Variants in CPS1 observed in about 807,000 individuals in gnomAD.
CPS1 encodes carbamoyl-phosphate synthase [ammonia], mitochondrial.
In CPS1, 109 loss-of-function variants were observed where a neutral mutation model predicts 174.6. The observed-to-expected ratio is 0.62, with a 90% CI of 0.53 to 0.73. The LOEUF (loss-of-function observed/expected upper bound fraction) is 0.73, where lower values mean the gene tolerates loss of function less well. Ranked by LOEUF, CPS1 falls within the 30% of genes least tolerant of loss-of-function variation. The pLI is 0.00. For missense variants in CPS1, 1,689 were observed against 1,821.9 expected, an observed-to-expected ratio of 0.93 and a Z score of 1.33; for synonymous variants, 637 against 632.0, an observed-to-expected ratio of 1.01 and a Z score of -0.12.
intron 1 of CPS1, among the ~76,000 whole-genome samples, chr2:210,525,855 A>G (rs1172270710): frequency 6.6e-6 from 1 of 151,214 alleles, no homozygotes; most frequent in Non-Finnish European, 1.5e-5. Context: ...AGGAAGGAGA[A>G]GAAGGAGCAG....
At chr2:210,600,203 C>T (rs909770151) in intron 14 of CPS1, among the ~76,000 whole-genome samples, 1 of 151,142 alleles carries the variant, frequency 6.6e-6, no homozygotes. Context: ...CAGGTAGGTA[C>T]TCATATATTT....
chr2:210,578,269 C>T (rs1461510771), intron 4 of CPS1, among the ~76,000 whole-genome samples: 2 of 151,808 alleles, frequency 1.3e-5, no homozygotes, highest in South Asian at 2.1e-4. Context: ...CCACCATGCC[C>T]GGCTAATTTT....
chr2:210,559,496 C>T (rs763800166), intron 1 of CPS1, among the ~76,000 whole-genome samples: 50 of 152,002 alleles, frequency 3.3e-4, no homozygotes, highest in Non-Finnish European at 6.8e-4. Context: ...ATTTTACTTA[C>T]AGGAAAGAGG....
chr2:210,611,525 A>G (rs1165561199), intron 19 of CPS1, among the ~76,000 whole-genome samples: 1 of 151,102 alleles, frequency 6.6e-6, no homozygotes, highest in Non-Finnish European at 1.5e-5. Flanking sequence ...TGAGCTGTAA[A>G]GATTGTGGAA....
intron 1 of CPS1, among the ~76,000 whole-genome samples, chr2:210,502,680 C>A (rs1429031334): frequency 6.6e-6 from 1 of 151,960 alleles, no homozygotes; most frequent in Non-Finnish European, 1.5e-5. Flanking sequence ...AGTCATAGTT[C>A]CTGGGTCTGA....
intron 6 of CPS1, among the ~76,000 whole-genome samples, chr2:210,583,173 T>C (rs1378891226): frequency 5.9e-5 from 9 of 152,200 alleles, no homozygotes; most frequent in African/African-American, 2.2e-4. Flanking sequence ...TATTGTGTTA[T>C]AGCTTTGTTT....
intron 7 of CPS1, among the ~76,000 whole-genome samples, chr2:210,588,350 A>G (rs912320396): frequency 6.6e-6 from 1 of 151,934 alleles, no homozygotes; most frequent in Non-Finnish European, 1.5e-5. Flanking sequence ...TTCTTTAAAA[A>G]AAAAACCTCA....
Position 210,577,450 on chromosome 2 carries a change from T to TA in CPS1, c.414dup (p.Asp139ArgfsTer33). 6.2e-7 allele frequency: 1 copy of TA among 1,613,918 alleles called. No individual in the cohort carries two copies. On this transcript the variant is annotated frameshift_variant, in exon 4 of 38. Transcript: ENST00000233072. LOFTEE classifies it high-confidence loss of function. ...CAGGTTTGCTGGTGCTGGATTATAG[T>TA]AAAGACTACAACCACTGGCTGGCTA...
Position 210,620,629 on chromosome 2 carries a change from G to A in CPS1, c.2687+4088G>A, listed in dbSNP as rs568116641. 5.3e-5 allele frequency among the ~76,000 whole-genome samples: 8 copies of A among 152,144 alleles called. No homozygotes were observed. In the South Asian group the frequency reaches 1.7e-3, roughly 32 times the overall value. ...GGCGGAAGGCAAAAGGAAAGCAGCCGTGTCCTATGGAAAAAGCAGGAGCCA... is the reference window on the plus strand; with the variant it reads ...GGCGGAAGGCAAAAGGAAAGCAGCCATGTCCTATGGAAAAAGCAGGAGCCA... On this transcript the variant is annotated intron_variant, in intron 21 of 37. Coordinates refer to ENST00000233072, the MANE Select transcript of CPS1 (RefSeq NM_001875.5).
intron 34 of CPS1, among the ~76,000 whole-genome samples, chr2:210,669,946 T>C (rs1300838001): frequency 6.6e-6 from 1 of 152,136 alleles, no homozygotes; most frequent in Non-Finnish European, 1.5e-5. Flanking sequence ...TGTTTGGTTC[T>C]AGTGCTGCAG....
intron 1 of CPS1, among the ~76,000 whole-genome samples, chr2:210,489,997 CAAAA>C (rs10604397): frequency 1.4e-4 from 12 of 88,384 alleles, no homozygotes; most frequent in Non-Finnish European, 1.4e-4. Flanking sequence ...GACTCTGTCT[CAAAA>C]AAAAAAAAAA....
chr2:210,519,756 G>T, intron 1 of CPS1: 1 of 985,198 alleles, frequency 1.0e-6, no homozygotes, highest in Non-Finnish European at 1.2e-6. Flanking sequence ...AGTGAAGTTT[G>T]CATTTTCCTG....
chr2:210,612,194 C>T lies in CPS1; in HGVS notation c.2469C>T (p.Phe823=), dbSNP rs1264691798. ...TGTGCCACCCATCTATAGAAGGTTTCACTCCCCGTCTCCCAATGAACAAAG... is the reference window on the plus strand; with the variant it reads ...TGTGCCACCCATCTATAGAAGGTTTTACTCCCCGTCTCCCAATGAACAAAG... ...LRMCHPSIEG[F]TPRLPMNKEW... is the part of the protein sequence containing the mutation. Residue 823 remains phenylalanine (F), a synonymous_variant, in exon 20 of 38, where the codon TTC becomes TTT. Coordinates refer to ENST00000233072, the MANE Select transcript of CPS1 (RefSeq NM_001875.5). 1.2e-6 allele frequency: 2 copies of T among 1,612,168 alleles called. No individual in the cohort carries two copies. Among genetic ancestry groups the T allele is most frequent in the South Asian group, 1.1e-5 (1 of 91,042 alleles).
chr2:210,602,110 T>C, intron 15 of CPS1, 92 bp from the exon 16 acceptor site: 1 of 1,473,230 alleles, frequency 6.8e-7, no homozygotes, highest in Non-Finnish European at 9.4e-7. Flanking sequence ...CCCACATAAG[T>C]TGGTTTACCT....
chr2:210,488,594 T>C (rs1559732148), intron 1 of CPS1, among the ~76,000 whole-genome samples: 1 of 152,322 alleles, frequency 6.6e-6, no homozygotes, highest in East Asian at 1.9e-4. Flanking sequence ...TTTGTGTATA[T>C]AGGTACCATT....
intron 1 of CPS1, among the ~76,000 whole-genome samples, chr2:210,517,900 T>A (rs1695724027): frequency 1.3e-5 from 2 of 152,022 alleles, no homozygotes. Flanking sequence ...TGGTAACTGT[T>A]AGCCACCGTT....
rs924228448 is a variant in CPS1, at chr2:210,654,223, G to A, written c.3558+121G>A. The A allele has an allele frequency of 9.6e-6, 8 of 833,406 alleles. No individual in the cohort carries two copies. In the African/African-American group the frequency reaches 1.4e-4, roughly 14 times the overall value. The allele number at this position is 833,406 out of a possible 1,614,324, so 51.6% of individuals were successfully genotyped here. ...TATAAAACAGGTCTCCAGTAATAGT[G>A]GAGAAGCTGTAAAAAAAATCAAATT... On this transcript the variant is annotated intron_variant, in intron 29 of 37. Transcript: ENST00000233072.
rs531423486 is a variant in CPS1 at position 210,567,367 on chromosome 2, T to A, written c.127-5931T>A. On this transcript the variant is annotated intron_variant, in intron 1 of 37. Transcript: ENST00000233072. ...TAAAAATATAATAGCCTCAGTATTT[T>A]TAATAGAGGGAGAATTATTATTAGT... Among the ~76,000 whole-genome samples, 4 of 152,252 alleles carry A rather than the reference T, an allele frequency of 2.6e-5. No homozygotes were observed. The East Asian group carries it at 7.7e-4, about 29-fold the overall frequency.
chr2:210,571,370 A>G (rs1697476643), intron 1 of CPS1, among the ~76,000 whole-genome samples: 1 of 151,950 alleles, frequency 6.6e-6, no homozygotes, highest in Non-Finnish European at 1.5e-5. Flanking sequence ...GCTCACTCAC[A>G]CACATACAAA....
Sources: allele counts gnomAD v4.1 joint callset (sites outside exome capture counted in the v4.1 genomes callset), GRCh38; gene constraint gnomAD v4.1.1; transcripts MANE v1.5; gene names NCBI Gene and HGNC (gene_info 2026-07-23, HGNC 2026-07-21).